The following OPCML variants were observed in gnomAD, a reference collection of about 807,000 sequenced individuals.
The protein encoded by OPCML is opioid-binding protein/cell adhesion molecule.
In OPCML, 13 loss-of-function variants were observed where a neutral mutation model predicts 37.8. The ratio of observed to expected loss-of-function variants is 0.34; its 90% CI spans 0.22 to 0.55. The LOEUF is 0.55. Ranked by LOEUF, OPCML falls within the 20% of genes least tolerant of loss-of-function variation. OPCML has a pLI of 0.91. For synonymous variants in OPCML, 176 were observed against 168.8 expected, an observed-to-expected ratio of 1.04 and a Z score of -0.33; for missense variants, 341 against 435.6, an observed-to-expected ratio of 0.78 and a Z score of 1.93.
intron 3 of OPCML, among the ~76,000 whole-genome samples, chr11:132,628,911 G>T (rs891478661): frequency 6.6e-6 from 1 of 152,112 alleles, no homozygotes; most frequent in Non-Finnish European, 1.5e-5. Context: ...CGCCACAATT[G>T]TTAAGTTTCC....
At position 132,897,369 on chromosome 11, in the gene OPCML, G is replaced by A. The variant is rs1230968748; in HGVS notation, c.146+45557C>T. On this transcript the variant is annotated intron_variant, in intron 2 of 7. Transcript: ENST00000524381. ...CGGAGCTGCCCATCATGAACTGGGT[G>A]TCATCTGACCTACCAAGCCAGGAAG... is the stretch of plus-strand genomic sequence containing the variant. Among the ~76,000 whole-genome samples, 4 of 152,184 alleles carry A rather than the reference G, an allele frequency of 2.6e-5. 1 individual carries two copies. Among genetic ancestry groups the A allele is most frequent in the South Asian group, 4.1e-4 (2 of 4,822 alleles).
At chr11:133,416,602 G>A (rs535566759) in intron 1 of OPCML, among the ~76,000 whole-genome samples, 1 of 152,298 alleles carries the variant, frequency 6.6e-6, no homozygotes, top group East Asian at 1.9e-4. Flanking sequence ...TGAGCTCCTT[G>A]AGAACAAGGA....
intron 1 of OPCML, among the ~76,000 whole-genome samples, chr11:133,224,860 T>A (rs1411614951): frequency 6.6e-6 from 1 of 152,190 alleles, no homozygotes; most frequent in Non-Finnish European, 1.5e-5. Flanking sequence ...CACCATTAGG[T>A]GGTAATCCTC....
intron 1 of OPCML, among the ~76,000 whole-genome samples, chr11:133,407,489 G>T (rs1945551043): frequency 6.6e-6 from 1 of 152,140 alleles, no homozygotes; most frequent in African/African-American, 2.4e-5. Flanking sequence ...CTAGAAGGCT[G>T]CTCCCTTCCA....
intron 2 of OPCML, among the ~76,000 whole-genome samples, chr11:132,788,032 C>T (rs1947282708): frequency 6.6e-6 from 1 of 152,162 alleles, no homozygotes; most frequent in Admixed American, 6.5e-5. Context: ...AGGCGCACGC[C>T]ACCATGCCCA....
At chr11:133,168,124 G>T (rs925752128) in intron 1 of OPCML, among the ~76,000 whole-genome samples, 1 of 152,232 alleles carries the variant, frequency 6.6e-6, no homozygotes, top group Non-Finnish European at 1.5e-5. Flanking sequence ...GAATTGGAAG[G>T]CTTCACTTGA....
At chr11:132,698,581 G>C (rs1943690789) in intron 2 of OPCML, among the ~76,000 whole-genome samples, 1 of 151,992 alleles carries the variant, frequency 6.6e-6, no homozygotes, top group African/African-American at 2.4e-5. Flanking sequence ...CCATTCTTTA[G>C]GCTGTCTCTT....
At chr11:132,521,959 C>T (rs1002277712) in intron 4 of OPCML, among the ~76,000 whole-genome samples, 1 of 152,146 alleles carries the variant, frequency 6.6e-6, no homozygotes, top group Admixed American at 6.5e-5. Context: ...TCCATCAACC[C>T]AAGGCAACTG....
intron 2 of OPCML, among the ~76,000 whole-genome samples, chr11:132,662,665 G>A (rs942049086): frequency 6.6e-6 from 1 of 152,222 alleles, no homozygotes; most frequent in Admixed American, 6.5e-5. Flanking sequence ...GGATATATTT[G>A]GAACAGAATT....
At chr11:133,182,157 T>C (rs541950468) in intron 1 of OPCML, among the ~76,000 whole-genome samples, 1 of 152,322 alleles carries the variant, frequency 6.6e-6, no homozygotes, top group Admixed American at 6.5e-5. Flanking sequence ...ACTGCCCATC[T>C]TCAGTGCCTC....
chr11:132,707,657 A>G (rs891467979), intron 2 of OPCML, among the ~76,000 whole-genome samples: 13 of 152,158 alleles, frequency 8.5e-5, no homozygotes, highest in African/African-American at 3.1e-4. Context: ...AATAAGATAA[A>G]CTACCCTATT....
intron 1 of OPCML, among the ~76,000 whole-genome samples, chr11:133,371,350 C>G (rs1455123251): frequency 6.6e-6 from 1 of 152,182 alleles, no homozygotes; most frequent in Non-Finnish European, 1.5e-5. Flanking sequence ...CAAAGGAATA[C>G]CTGCACTTGC....
chr11:132,853,537 A>G (rs903294141), intron 2 of OPCML, among the ~76,000 whole-genome samples: 2 of 152,198 alleles, frequency 1.3e-5, no homozygotes, highest in African/African-American at 4.8e-5. Flanking sequence ...GAGTTGTGCA[A>G]CTATTACGGC....
At chr11:133,079,752 CTGTTG>C (rs905174240) in intron 1 of OPCML, among the ~76,000 whole-genome samples, 7 of 151,952 alleles carry the variant, frequency 4.6e-5, no homozygotes, top group African/African-American at 1.7e-4. Context: ...TTCCGCCTGC[CTGTTG>C]TAAGGTGAGA....
intron 2 of OPCML, among the ~76,000 whole-genome samples, chr11:132,841,101 T>C (rs928704940): frequency 2.6e-5 from 4 of 152,218 alleles, no homozygotes; most frequent in Non-Finnish European, 5.9e-5. Context: ...GCCTATAAAG[T>C]GCCTGGCACA....
chr11:133,052,110 T>G (rs1948143128), intron 1 of OPCML, among the ~76,000 whole-genome samples: 1 of 152,192 alleles, frequency 6.6e-6, no homozygotes, highest in African/African-American at 2.4e-5. Context: ...TTTCCCCCTT[T>G]GATTAAAATA....
intron 1 of OPCML, chr11:133,420,509 T>C (rs2136892455): frequency 1.0e-6 from 1 of 983,688 alleles, no homozygotes; most frequent in Non-Finnish European, 1.2e-6. Context: ...CTGGCCTCAT[T>C]GGTGTTAACA....
chr11:133,385,453 C>A (rs1012341539), intron 1 of OPCML, among the ~76,000 whole-genome samples: 1 of 152,158 alleles, frequency 6.6e-6, no homozygotes, highest in African/African-American at 2.4e-5. Flanking sequence ...AAGGCAAAGG[C>A]TTGGTCGTCC....
At chr11:132,829,725 GT>G (rs1454967594) in intron 2 of OPCML, among the ~76,000 whole-genome samples, 2 of 152,264 alleles carry the variant, frequency 1.3e-5, no homozygotes, top group African/African-American at 4.8e-5. Context: ...AATCCTTTCT[GT>G]TTTTGGGGGT....
Sources: allele counts gnomAD v4.1 joint callset (sites outside exome capture counted in the v4.1 genomes callset), GRCh38; gene constraint gnomAD v4.1.1; transcripts MANE v1.5; gene names NCBI Gene and HGNC (gene_info 2026-07-23, HGNC 2026-07-21).